Variants in DLG1 observed in about 807,000 individuals in gnomAD.
DLG1 encodes the protein disks large homolog 1.
In DLG1, 42 loss-of-function variants were observed where a neutral mutation model predicts 123.4. The ratio of observed to expected loss-of-function variants is 0.34; its 90% CI spans 0.27 to 0.44. The LOEUF is 0.44. DLG1 is among the 20% of genes least tolerant of loss of function. The pLI, the probability that DLG1 is intolerant of heterozygous loss-of-function variation, is 1.00. For synonymous variants in DLG1, 317 were observed against 356.2 expected (o/e 0.89, Z 1.24); for missense variants, 942 against 1,082.6 (o/e 0.87, Z 1.82).
intron 5 of DLG1, among the ~76,000 whole-genome samples, chr3:197,189,406 G>C (rs889020178): frequency 1.3e-5 from 2 of 151,902 alleles, no homozygotes; most frequent in African/African-American, 4.8e-5. Flanking sequence ...GTTTACAATA[G>C]GAAAAAACAT....
intron 5 of DLG1, among the ~76,000 whole-genome samples, chr3:197,170,452 T>C (rs143664864): frequency 3.3e-5 from 5 of 152,286 alleles, no homozygotes; most frequent in African/African-American, 1.2e-4. Context: ...GTAGCCATTC[T>C]GAATGGTGTG....
At position 197,100,637 on chromosome 3, in the gene DLG1, T is replaced by A. The variant is rs573627849; in HGVS notation, c.1546+4266A>T. Among the ~76,000 whole-genome samples the A allele has an allele frequency of 1.2e-4, 19 of 152,224 alleles. No individual in the cohort carries two copies. In the South Asian group the frequency reaches 3.9e-3, roughly 32 times the overall value. On this transcript the variant is annotated intron_variant, in intron 14 of 24. Coordinates refer to ENST00000667157, the MANE Select transcript of DLG1 (RefSeq NM_001366207.1). Reference sequence around the variant, plus strand: ...AGATTAAATATTTGAGGTGAGAGATTCCAAGAGTTTAATGAGTAGTTGAAA... The same window carrying A: ...AGATTAAATATTTGAGGTGAGAGATACCAAGAGTTTAATGAGTAGTTGAAA...
chr3:197,049,273 C>T (rs906067117), intron 24 of DLG1, among the ~76,000 whole-genome samples: 2 of 152,124 alleles, frequency 1.3e-5, no homozygotes, highest in Non-Finnish European at 2.9e-5. Context: ...GCTGAGATCA[C>T]ACCCGCATTC....
chr3:197,258,708 AG>A (rs1561733839), intron 4 of DLG1, among the ~76,000 whole-genome samples: 1 of 152,206 alleles, frequency 6.6e-6, no homozygotes, highest in Non-Finnish European at 1.5e-5. Context: ...GAAAAGAACA[AG>A]GGATGGGGTA....
chr3:197,076,730 T>C (rs767321061), intron 17 of DLG1, 45 bp from the exon 18 acceptor site: 1 of 1,484,378 alleles, frequency 6.7e-7, no homozygotes, highest in Non-Finnish European at 9.4e-7. Context: ...GTCTACTGTC[T>C]GTGTGTACAA....
intron 16 of DLG1, among the ~76,000 whole-genome samples, chr3:197,084,274 T>C (rs1370268418): frequency 1.3e-5 from 2 of 151,914 alleles, no homozygotes; most frequent in Non-Finnish European, 2.9e-5. Flanking sequence ...CAGTAACTAG[T>C]AGCTTTAGAT....
chr3:197,183,184 T>C (rs899104416), intron 5 of DLG1, among the ~76,000 whole-genome samples: 2 of 152,150 alleles, frequency 1.3e-5, no homozygotes, highest in African/African-American at 4.8e-5. Flanking sequence ...ACTGTAACAG[T>C]CTCCCTAAGG....
chr3:197,295,077 T>G (rs1776782533), intron 3 of DLG1, among the ~76,000 whole-genome samples: 1 of 152,136 alleles, frequency 6.6e-6, no homozygotes, highest in African/African-American at 2.4e-5. Flanking sequence ...ACCTTAAACC[T>G]CAGAAATTCA....
At chr3:197,069,103 T>C (rs768708265) in intron 19 of DLG1, 116 bp downstream of exon 19, 4 of 583,608 alleles carry the variant, frequency 6.9e-6, no homozygotes, top group Non-Finnish European at 1.1e-5. Context: ...TCCCTGATTT[T>C]AAAATAACGA....
chr3:197,061,900 AC>A lies in DLG1; in HGVS notation c.2374-1903del, dbSNP rs1390969462. Among the ~76,000 whole-genome samples, 5 of 152,152 alleles carry A rather than the reference AC, an allele frequency of 3.3e-5. No individual in the cohort carries two copies. The South Asian group carries it at 1.0e-3, about 32-fold the overall frequency. ...TAACTGATAAGTATTTTGGGGGAGG[AC>A]ACTTTGAGACTATATAAATATCCCT... is the stretch of plus-strand genomic sequence containing the variant. On this transcript the variant is annotated intron_variant, in intron 22 of 24. Coordinates refer to ENST00000667157, the MANE Select transcript of DLG1 (RefSeq NM_001366207.1).
intron 4 of DLG1, among the ~76,000 whole-genome samples, chr3:197,242,292 T>TA (rs1307168464): frequency 6.6e-6 from 1 of 151,742 alleles, no homozygotes; most frequent in African/African-American, 2.4e-5. Flanking sequence ...CAAGTATATA[T>TA]AAAAAAATTA....
chr3:197,065,037 C>T (rs1224318062), intron 22 of DLG1, among the ~76,000 whole-genome samples: 1 of 151,502 alleles, frequency 6.6e-6, no homozygotes, highest in Non-Finnish European at 1.5e-5. Context: ...TAGCAAATGA[C>T]CTGAAAATAA....
intron 23 of DLG1, among the ~76,000 whole-genome samples, chr3:197,053,833 C>T (rs889378872): frequency 6.7e-6 from 1 of 149,800 alleles, no homozygotes; most frequent in African/African-American, 2.5e-5. Flanking sequence ...TTATTTACAC[C>T]TGGAATCCCA....
intron 18 of DLG1, 110 bp downstream of exon 18, chr3:197,076,476 T>C: frequency 1.4e-6 from 1 of 740,458 alleles, no homozygotes; most frequent in Non-Finnish European, 2.2e-6. Context: ...TTGAAGACAA[T>C]TAGCAACCTG....
chr3:197,204,276 A>G (rs1477215353), intron 4 of DLG1, among the ~76,000 whole-genome samples: 1 of 152,250 alleles, frequency 6.6e-6, no homozygotes, highest in Non-Finnish European at 1.5e-5. Context: ...ACGGTTTAAT[A>G]TGAAGCTGCA....
chr3:197,181,060 G>A (rs972784496), intron 5 of DLG1, among the ~76,000 whole-genome samples: 3 of 152,012 alleles, frequency 2.0e-5, no homozygotes, highest in Non-Finnish European at 2.9e-5. Context: ...GTAGAAAATG[G>A]CACATAATCT....
chr3:197,166,664 CG>C (rs1801585996), intron 5 of DLG1, among the ~76,000 whole-genome samples: 1 of 152,024 alleles, frequency 6.6e-6, no homozygotes. Flanking sequence ...CGGAGGTGGG[CG>C]GATCATCTGA....
intron 14 of DLG1, among the ~76,000 whole-genome samples, chr3:197,092,835 C>A (rs1441478528): frequency 6.6e-6 from 1 of 152,150 alleles, no homozygotes; most frequent in African/African-American, 2.4e-5. Flanking sequence ...GGAATAGTTC[C>A]TTCCTGAGTA....
chr3:197,113,726 A>T (rs1455023583), intron 13 of DLG1, among the ~76,000 whole-genome samples: 1 of 152,192 alleles, frequency 6.6e-6, no homozygotes, highest in Non-Finnish European at 1.5e-5. Flanking sequence ...AGCTTTTAAG[A>T]TTAGATAAAG....
Sources: gnomAD v4.1 joint callset for allele counts (sites outside exome capture counted in the v4.1 genomes callset) on GRCh38, gnomAD v4.1.1 for gene constraint, MANE v1.5 for transcripts, NCBI Gene and HGNC (gene_info 2026-07-23, HGNC 2026-07-21) for gene names.